MRPS5: variants seen among roughly 807,000 people sequenced by gnomAD.
The protein encoded by MRPS5 is mitochondrial ribosomal protein S5, also known as small ribosomal subunit protein uS5m.
A neutral mutation model predicts 51.9 loss-of-function variants in MRPS5; 27 were observed. That is an observed-to-expected ratio of 0.52 (90% confidence interval 0.38 to 0.72). MRPS5 has a LOEUF of 0.72. Ranked by LOEUF, MRPS5 falls within the 30% of genes least tolerant of loss-of-function variation. The probability of loss-of-function intolerance (pLI) is 0.00; values close to 1 mark genes in which losing one functional copy is unlikely to be tolerated. For synonymous variants in MRPS5, 196 were observed against 193.2 expected, an observed-to-expected ratio of 1.01 and a Z score of -0.12; for missense variants, 570 against 545.7, an observed-to-expected ratio of 1.04 and a Z score of -0.44.
chr2:95,099,504 T>C (rs1675735911), intron 10 of MRPS5, among the ~76,000 whole-genome samples: 1 of 152,232 alleles, frequency 6.6e-6, no homozygotes, highest in Non-Finnish European at 1.5e-5. Context: ...TTTTTTGTAC[T>C]AGGTCTTTGA....
intron 10 of MRPS5, among the ~76,000 whole-genome samples, chr2:95,097,363 G>A (rs1208860650): frequency 6.6e-6 from 1 of 152,148 alleles, no homozygotes; most frequent in Non-Finnish European, 1.5e-5. Context: ...TGGAGCATAT[G>A]GAACCAAAAA....
Position 95,121,801 on chromosome 2 carries a change from C to A in MRPS5, c.-10G>T. The A allele has an allele frequency of 1.3e-6, 2 of 1,538,954 alleles. No homozygotes were observed. Among genetic ancestry groups the A allele is most frequent in the Non-Finnish European group, 8.7e-7 (1 of 1,151,072 alleles). On this transcript the variant is annotated 5_prime_UTR_variant, in exon 1 of 12. Coordinates refer to ENST00000272418, the MANE Select transcript of MRPS5 (RefSeq NM_031902.5). ...GCACCGCGGTCGCCATGCTGGAGTC[C>A]GAGCCGCGCCTCGGCCTCCGCCCAG... is the stretch of plus-strand genomic sequence containing the variant.
At chr2:95,094,088 T>C (rs1675547022) in intron 10 of MRPS5, among the ~76,000 whole-genome samples, 1 of 152,180 alleles carries the variant, frequency 6.6e-6, no homozygotes, top group Admixed American at 6.5e-5. Flanking sequence ...ACGTGATGCA[T>C]GCATAAGCTT....
chr2:95,116,970 G>A (rs1270149895), intron 2 of MRPS5, among the ~76,000 whole-genome samples: 1 of 152,054 alleles, frequency 6.6e-6, no homozygotes, highest in African/African-American at 2.4e-5. Context: ...GTGAAACCCC[G>A]TCTCTACTAA....
At chr2:95,113,467 A>T (rs1254860222) in intron 3 of MRPS5, among the ~76,000 whole-genome samples, 3 of 152,078 alleles carry the variant, frequency 2.0e-5, no homozygotes, top group Admixed American at 2.0e-4. Context: ...CAAGAGCAAG[A>T]CTCCGTCTCA....
At chr2:95,092,363 C>A (rs1675492497) in intron 10 of MRPS5, 1 of 152,214 alleles carries the variant, frequency 6.6e-6, no homozygotes, top group Non-Finnish European at 1.5e-5. Flanking sequence ...CATGGCAGTG[C>A]ATTAAAGATT....
At chr2:95,105,380 C>T (rs953709634) in intron 6 of MRPS5, among the ~76,000 whole-genome samples, 11 of 152,156 alleles carry the variant, frequency 7.2e-5, no homozygotes, top group African/African-American at 9.7e-5. Context: ...GAAACCCCGT[C>T]TCAACTAAAA....
chr2:95,104,333 GC>G (rs1399086609), intron 7 of MRPS5: 2 of 372,348 alleles, frequency 5.4e-6, no homozygotes, highest in African/African-American at 4.2e-5. Context: ...TATAACCATG[GC>G]CCTATTGAAC....
chr2:95,100,204 A>T (rs560529607), intron 10 of MRPS5, among the ~76,000 whole-genome samples: 6 of 152,212 alleles, frequency 3.9e-5, no homozygotes, highest in African/African-American at 1.4e-4. Context: ...TCCAAACCCT[A>T]CTACTCACTC....
At chr2:95,104,530 A>G in intron 7 of MRPS5, 110 bp downstream of exon 7, 1 of 1,130,364 alleles carries the variant, frequency 8.8e-7, no homozygotes, top group South Asian at 1.2e-5. Flanking sequence ...AGGTTTAATC[A>G]ATGGAAAAAG....
chr2:95,092,493 C>G (rs1005951917), intron 10 of MRPS5: 4 of 152,164 alleles, frequency 2.6e-5, no homozygotes, highest in Admixed American at 1.3e-4. Flanking sequence ...AACACATAGG[C>G]ACATCATTTA....
At chr2:95,121,817 C>T, upstream of MRPS5, 2 of 1,527,074 alleles carry the variant, frequency 1.3e-6, no homozygotes, top group African/African-American at 1.4e-5. Flanking sequence ...GCGCCTCGGC[C>T]TCCGCCCAGG....
At chr2:95,106,832 C>A in intron 5 of MRPS5, 1 of 290,092 alleles carries the variant, frequency 3.4e-6, no homozygotes, top group Non-Finnish European at 6.7e-6. Flanking sequence ...AACCCCTTCA[C>A]CCTTTGCTCT....
chr2:95,121,936 G>A (rs1362936278), upstream of MRPS5: 13 of 948,826 alleles, frequency 1.4e-5, no homozygotes, highest in Middle Eastern at 2.6e-4. Context: ...GCCGGGGTGA[G>A]GGACTGTCCG....
At chr2:95,100,084 G>A (rs750837863) in intron 10 of MRPS5, among the ~76,000 whole-genome samples, 13 of 152,116 alleles carry the variant, frequency 8.5e-5, no homozygotes, top group African/African-American at 2.7e-4. Context: ...CCAGCTCACA[G>A]AAGGCATTCA....
intron 3 of MRPS5, among the ~76,000 whole-genome samples, chr2:95,113,433 G>A (rs918352932): frequency 2.0e-5 from 3 of 151,880 alleles, no homozygotes; most frequent in East Asian, 1.9e-4. Flanking sequence ...CCGAGACCAC[G>A]CCACTGCATT....
At position 95,117,894 on chromosome 2, in the gene MRPS5, A is replaced by T. The variant is rs1676331374; in HGVS notation, c.110T>A (p.Ile37Asn). The T allele has an allele frequency of 2.5e-6, 4 of 1,609,628 alleles. No individual in the cohort carries two copies. In the East Asian group the frequency reaches 8.9e-5, roughly 36 times the overall value. Residue 37 changes from isoleucine (I) to asparagine (N), a missense_variant, in exon 2 of 12, where the codon ATT (isoleucine) becomes AAT (asparagine). Transcript: ENST00000272418. Reference protein sequence around the residue: ...CSLNTLPAASILAWKSVLGNG... With the variant: ...CSLNTLPAASNLAWKSVLGNG... ...GCCGAGAACACTCTTCCATGCCAAA[A>T]TGGAAGCTGCTGGTAAGGTGTTTAG...
rs1269130784 is a variant in MRPS5 at position 95,108,240 on chromosome 2, C to T, written c.572G>A (p.Arg191Gln). Residue 191 changes from arginine (R) to glutamine (Q), a missense_variant, in exon 5 of 12, where the codon CGA (arginine) becomes CAA (glutamine). Transcript: ENST00000272418. The part of the protein sequence containing the change: ...RKKKMKVKRE[R>Q]GWSGNSWGGI... ...TCCCCATGAGTTTCCACTCCATCCTCGCTCCCGTTTAACCTTCATCTTCTT... is the reference window on the plus strand; with the variant it reads ...TCCCCATGAGTTTCCACTCCATCCTTGCTCCCGTTTAACCTTCATCTTCTT... 3.1e-6 allele frequency: 5 copies of T among 1,614,132 alleles called. No homozygotes were observed. The highest frequency in any genetic ancestry group is 1.3e-5 in the African/African-American group (1 of 75,014).
rs1248280835 is a variant in MRPS5 at position 95,108,176 on chromosome 2, T to A, written c.636A>T (p.Gly212=). ...CAAACAAAACCAGGAGTTTGCTACC[T>A]CCACAGGGACCAGGGTCAGGGGGGC... ...SLGPPDPGPC[G]ETYEDFDTRI... The change falls in exon 5 of 12, where the codon GGA becomes GGT. Residue 212 remains glycine, a splice_region_variant and synonymous_variant. Coordinates refer to ENST00000272418, the MANE Select transcript of MRPS5 (RefSeq NM_031902.5). The A allele has an allele frequency of 1.2e-6, 2 of 1,613,952 alleles. No individual in the cohort carries two copies. The highest frequency in any genetic ancestry group is 1.7e-6 in the Non-Finnish European group (2 of 1,179,838).
Sources: allele counts gnomAD v4.1 joint callset (sites outside exome capture counted in the v4.1 genomes callset), GRCh38; gene constraint gnomAD v4.1.1; transcripts MANE v1.5; gene names NCBI Gene and HGNC (gene_info 2026-07-23, HGNC 2026-07-21).